Variants in RYR2 observed in about 807,000 individuals in gnomAD.
RYR2 encodes the protein cardiac muscle ryanodine receptor-calcium release channel.
RYR2 carries 227 observed loss-of-function variants against 601.1 expected under a neutral mutation model. The ratio of observed to expected loss-of-function variants is 0.38; its 90% CI spans 0.34 to 0.42. The LOEUF (loss-of-function observed/expected upper bound fraction) is 0.42, where lower values mean the gene tolerates loss of function less well. Among genes scored for constraint, RYR2 ranks in the 10% least tolerant of loss-of-function variants. RYR2 has a pLI of 1.00. For synonymous variants in RYR2, 2,223 were observed against 2,175.1 expected, an observed-to-expected ratio of 1.02 and a Z score of -0.61; for missense variants, 4,646 against 6,156.5, an observed-to-expected ratio of 0.75 and a Z score of 8.21.
At chr1:237,524,074 A>G in intron 24 of RYR2, among the ~76,000 whole-genome samples, 1 of 152,240 alleles carries the variant, frequency 6.6e-6, no homozygotes, top group Admixed American at 6.5e-5. Context: ...CTCAAGAGAA[A>G]TAAAAGCTTA....
intron 1 of RYR2, among the ~76,000 whole-genome samples, chr1:237,046,448 G>C: frequency 6.6e-6 from 1 of 152,206 alleles, no homozygotes; most frequent in East Asian, 1.9e-4. Context: ...GATGGAATGA[G>C]CAGTGGAAAT....
At chr1:237,645,268 A>G (rs1682005993) in intron 48 of RYR2, among the ~76,000 whole-genome samples, 1 of 152,218 alleles carries the variant, frequency 6.6e-6, no homozygotes, top group African/African-American at 2.4e-5. Flanking sequence ...CAAAACTACC[A>G]TAATAATTGA....
intron 60 of RYR2, among the ~76,000 whole-genome samples, chr1:237,676,785 G>A (rs1027492122): frequency 2.6e-5 from 4 of 152,010 alleles, no homozygotes; most frequent in East Asian, 1.9e-4. Context: ...GTATAATACC[G>A]TAGATTGTAA....
chr1:237,348,532 G>T (rs1698492704), intron 3 of RYR2, among the ~76,000 whole-genome samples: 1 of 152,130 alleles, frequency 6.6e-6, no homozygotes, highest in Non-Finnish European at 1.5e-5. Flanking sequence ...GTGAACTAAA[G>T]TCTTGCTAAG....
intron 25 of RYR2, 95 bp from the exon 26 acceptor site, chr1:237,548,336 A>C: frequency 7.5e-7 from 1 of 1,328,794 alleles, no homozygotes; most frequent in Non-Finnish European, 1.0e-6. Flanking sequence ...TGGTTTATGG[A>C]AGAACAGTAA....
At chr1:237,232,407 A>C (rs1207966033) in intron 1 of RYR2, among the ~76,000 whole-genome samples, 1 of 152,208 alleles carries the variant, frequency 6.6e-6, no homozygotes, top group African/African-American at 2.4e-5. Context: ...ATGGCTGAAC[A>C]TGGGGGAGTG....
At chr1:237,828,540 G>C in intron 102 of RYR2, 95 bp downstream of exon 102, 4 of 789,382 alleles carry the variant, frequency 5.1e-6, no homozygotes, top group Non-Finnish European at 8.1e-6. Flanking sequence ...GTGGGAAGGA[G>C]GAGGGGGAAG....
intron 1 of RYR2, among the ~76,000 whole-genome samples, chr1:237,148,358 G>T (rs2485583): frequency 9.3e-5 from 14 of 150,926 alleles, no homozygotes; most frequent in Non-Finnish European, 1.6e-4. Context: ...CTGTCGGGAG[G>T]GCTGGGGGAT....
intron 24 of RYR2, among the ~76,000 whole-genome samples, chr1:237,517,682 CAA>C (rs561533682): frequency 1.2e-3 from 178 of 151,994 alleles, no homozygotes; most frequent in Non-Finnish European, 1.7e-3. Context: ...AGGTTCTCAG[CAA>C]AGTTAAAAGA....
At chr1:237,374,878 A>G (rs1339585518) in intron 7 of RYR2, 83 bp downstream of exon 7, 4 of 985,334 alleles carry the variant, frequency 4.1e-6, no homozygotes, top group African/African-American at 3.2e-5. Flanking sequence ...AATACGATAC[A>G]TGGGATGAAT....
chr1:237,353,398 A>G lies in RYR2; in HGVS notation c.274-2567A>G, dbSNP rs187011685. On this transcript the variant is annotated intron_variant, in intron 3 of 104. Transcript: ENST00000366574. ...GTGGCGGGCACCTGTAATCCCAGCT[A>G]TCCAGGAAACTGAGACAGGAGAATC... is the stretch of plus-strand genomic sequence containing the variant. Among the ~76,000 whole-genome samples, 287 of 151,898 alleles carry G rather than the reference A, an allele frequency of 1.9e-3. 1 individual carries two copies. The highest frequency in any genetic ancestry group is 6.1e-3 in the African/African-American group (252 of 41,428).
Position 237,118,814 on chromosome 1 carries a change from C to T in RYR2, c.48+76245C>T, listed in dbSNP as rs142674851. ...TCTTTTATAAAGATTTTCCTATTCTCCTTATTAACAATATTTTAACAATAT... is the reference window on the plus strand; with the variant it reads ...TCTTTTATAAAGATTTTCCTATTCTTCTTATTAACAATATTTTAACAATAT... On this transcript the variant is annotated intron_variant, in intron 1 of 104. Transcript: ENST00000366574. 1.8e-3 allele frequency among the ~76,000 whole-genome samples: 278 copies of T among 152,026 alleles called. 1 individual carries two copies. Among genetic ancestry groups the T allele is most frequent in the Non-Finnish European group, 3.3e-3 (222 of 67,998 alleles).
chr1:237,216,130 A>G (rs1170312108), intron 1 of RYR2, among the ~76,000 whole-genome samples: 1 of 152,196 alleles, frequency 6.6e-6, no homozygotes, highest in African/African-American at 2.4e-5. Context: ...AATGAAAAAT[A>G]TTAATCTAGT....
intron 2 of RYR2, among the ~76,000 whole-genome samples, chr1:237,281,618 T>C (rs1690877740): frequency 6.6e-6 from 1 of 152,226 alleles, no homozygotes; most frequent in Admixed American, 6.5e-5. Flanking sequence ...TAGCCAGTTT[T>C]TGTTCCTTCC....
Position 237,760,850 on chromosome 1 carries a change from T to C in RYR2, c.11403-105T>C, listed in dbSNP as rs375028992. ...GACATGTTTTCAGTGTACGTTAACA[T>C]TTGCTTCATCTTCCAAGATATATGG... On this transcript the variant is annotated intron_variant, in intron 83 of 104. Transcript: ENST00000366574. The C allele has an allele frequency of 1.5e-4, 107 of 735,784 alleles. 1 individual carries two copies. In the South Asian group the frequency reaches 1.7e-3, roughly 12 times the overall value. 45.6% of individuals were successfully genotyped at this position (735,784 alleles called of 1,614,324 possible).
chr1:237,618,182 C>T (rs1337848734), intron 38 of RYR2, among the ~76,000 whole-genome samples: 2 of 151,830 alleles, frequency 1.3e-5, no homozygotes, highest in South Asian at 4.1e-4. Flanking sequence ...GGACTAATTA[C>T]AGAATTTTTT....
intron 1 of RYR2, among the ~76,000 whole-genome samples, chr1:237,225,594 G>A (rs887954604): frequency 6.6e-6 from 1 of 152,190 alleles, no homozygotes; most frequent in African/African-American, 2.4e-5. Flanking sequence ...CAAGATGAAA[G>A]TTGGGTGGAG....
chr1:237,427,773 ACT>A (rs1421435910), intron 12 of RYR2, among the ~76,000 whole-genome samples: 1 of 119,576 alleles, frequency 8.4e-6, no homozygotes, highest in African/African-American at 3.4e-5. Context: ...ACAGAGCAAG[ACT>A]CTGCCTCAAA....
At chr1:237,439,164 G>A (rs1228161415) in intron 12 of RYR2, among the ~76,000 whole-genome samples, 1 of 152,060 alleles carries the variant, frequency 6.6e-6, no homozygotes, top group Admixed American at 6.5e-5. Context: ...TCAGCTTACG[G>A]TCATTCAAAG....
Sources: allele counts gnomAD v4.1 joint callset (sites outside exome capture counted in the v4.1 genomes callset), GRCh38; gene constraint gnomAD v4.1.1; transcripts MANE v1.5; gene names NCBI Gene and HGNC (gene_info 2026-07-23, HGNC 2026-07-21).